The following BABAM2 variants were observed in gnomAD, a reference collection of about 807,000 sequenced individuals.
BABAM2 encodes BRISC and BRCA1 A complex member 2, also known as BRISC and BRCA1-A complex member 2.
Under a neutral mutation model 54.7 loss-of-function variants are expected in BABAM2, and 31 were observed. The ratio of observed to expected loss-of-function variants is 0.57; its 90% CI spans 0.43 to 0.77. The LOEUF (loss-of-function observed/expected upper bound fraction) is 0.77, where lower values mean the gene tolerates loss of function less well. Ranked by LOEUF, BABAM2 falls within the 30% of genes least tolerant of loss-of-function variation. The probability of loss-of-function intolerance (pLI) is 0.00; values close to 1 mark genes in which losing one functional copy is unlikely to be tolerated. For synonymous variants in BABAM2, 167 were observed against 162.9 expected (o/e 1.03, Z -0.19); for missense variants, 364 against 455.8 (o/e 0.80, Z 1.83).
intron 3 of BABAM2, among the ~76,000 whole-genome samples, chr2:27,931,616 T>C (rs1326404203): frequency 6.6e-6 from 1 of 152,148 alleles, no homozygotes; most frequent in Non-Finnish European, 1.5e-5. Context: ...TTTTACTTAC[T>C]TTTTTTAATG....
chr2:28,268,923 C>T (rs1685203104), intron 10 of BABAM2, among the ~76,000 whole-genome samples: 1 of 152,216 alleles, frequency 6.6e-6, no homozygotes, highest in South Asian at 2.1e-4. Flanking sequence ...TTATTGTGAT[C>T]CTTGCCAATG....
At chr2:28,026,805 AAT>A (rs1269217781) in intron 5 of BABAM2, among the ~76,000 whole-genome samples, 2 of 76,554 alleles carry the variant, frequency 2.6e-5, no homozygotes, top group African/African-American at 5.6e-5. Flanking sequence ...TTATATAAAA[AAT>A]ATATAAATAT....
At chr2:27,985,782 A>G (rs1672354703) in intron 3 of BABAM2, among the ~76,000 whole-genome samples, 1 of 152,156 alleles carries the variant, frequency 6.6e-6, no homozygotes, top group African/African-American at 2.4e-5. Flanking sequence ...GAGCTCCTTG[A>G]GAATAAATAT....
At chr2:28,286,012 G>A (rs946987082) in intron 10 of BABAM2, among the ~76,000 whole-genome samples, 1 of 150,000 alleles carries the variant, frequency 6.7e-6, no homozygotes, top group African/African-American at 2.5e-5. Context: ...CTGGAGTGCA[G>A]TGGTACAATC....
chr2:28,038,901 G>A (rs1277918548), intron 5 of BABAM2, among the ~76,000 whole-genome samples: 1 of 152,176 alleles, frequency 6.6e-6, no homozygotes, highest in Non-Finnish European at 1.5e-5. Context: ...TATGTACCCA[G>A]TAGTAGAATT....
At chr2:28,331,450 CA>C (rs1416250000) in intron 11 of BABAM2, among the ~76,000 whole-genome samples, 1 of 151,974 alleles carries the variant, frequency 6.6e-6, no homozygotes, top group Non-Finnish European at 1.5e-5. Context: ...CCAAAATCTA[CA>C]AGGAACTTAA....
At chr2:28,198,199 A>G (rs374520700) in intron 7 of BABAM2, among the ~76,000 whole-genome samples, 2 of 151,186 alleles carry the variant, frequency 1.3e-5, no homozygotes, top group African/African-American at 2.4e-5. Context: ...TCGCTCTGTC[A>G]CCCAGGCTGG....
At chr2:28,156,409 A>G (rs1672549830) in intron 7 of BABAM2, among the ~76,000 whole-genome samples, 1 of 152,148 alleles carries the variant, frequency 6.6e-6, no homozygotes, top group South Asian at 2.1e-4. Context: ...TTATTTATAT[A>G]TTATTTATAT....
At chr2:28,318,213 GACC>G (rs1558526916) in intron 11 of BABAM2, among the ~76,000 whole-genome samples, 1 of 152,194 alleles carries the variant, frequency 6.6e-6, no homozygotes, top group African/African-American at 2.4e-5. Context: ...GTGAAGGAGC[GACC>G]TCATCTCTTC....
At chr2:28,228,190 G>C (rs1169204226) in intron 7 of BABAM2, among the ~76,000 whole-genome samples, 1 of 152,200 alleles carries the variant, frequency 6.6e-6, no homozygotes, top group Non-Finnish European at 1.5e-5. Context: ...GCTACCTACA[G>C]ATTGACTTCT....
chr2:28,335,886 TC>T (rs1691419086), intron 11 of BABAM2, among the ~76,000 whole-genome samples: 1 of 152,104 alleles, frequency 6.6e-6, no homozygotes, highest in African/African-American at 2.4e-5. Context: ...GTCTGTGACA[TC>T]CCCGGGTTGC....
intron 3 of BABAM2, among the ~76,000 whole-genome samples, chr2:27,974,586 A>G (rs570266798): frequency 4.1e-4 from 62 of 152,266 alleles, no homozygotes; most frequent in Admixed American, 1.0e-3. Context: ...AATAGGAATA[A>G]AAGGGAATTT....
At chr2:28,024,543 G>A (rs1277469351) in intron 4 of BABAM2, among the ~76,000 whole-genome samples, 1 of 152,288 alleles carries the variant, frequency 6.6e-6, no homozygotes, top group East Asian at 1.9e-4. Context: ...ACCTAAGTAC[G>A]TTGTCTCAAG....
intron 3 of BABAM2, among the ~76,000 whole-genome samples, chr2:27,934,581 G>C (rs563824068): frequency 6.6e-6 from 1 of 152,350 alleles, no homozygotes; most frequent in South Asian, 2.1e-4. Flanking sequence ...AGTTTAGTGA[G>C]GAAGGCATGT....
intron 2 of BABAM2, among the ~76,000 whole-genome samples, chr2:27,914,786 G>T (rs537928347): frequency 6.6e-6 from 1 of 152,216 alleles, no homozygotes; most frequent in South Asian, 2.1e-4. Flanking sequence ...ATATGAACAC[G>T]TACACAGATA....
At chr2:28,143,157 A>G (rs988772810) in intron 7 of BABAM2, among the ~76,000 whole-genome samples, 3 of 151,820 alleles carry the variant, frequency 2.0e-5, no homozygotes, top group Admixed American at 6.6e-5. Context: ...ATATATATAT[A>G]TATAAAACAA....
In BABAM2 at chr2:27,928,702, C is replaced by T. The variant is rs560424527; in HGVS notation, c.129-1130C>T. Among the ~76,000 whole-genome samples, 4 of 152,104 alleles carry T rather than the reference C, an allele frequency of 2.6e-5. No individual in the cohort carries two copies. In the East Asian group the frequency reaches 7.7e-4, roughly 29 times the overall value. On this transcript the variant is annotated intron_variant, in intron 2 of 11. Coordinates refer to ENST00000379624, the MANE Select transcript of BABAM2 (RefSeq NM_199191.3). Reference sequence around the variant, plus strand: ...GGAATTATGAAAGAAAATTAGCCTCCTTGCTTTCGTTTGTAAATTAAAACT... The same window carrying T: ...GGAATTATGAAAGAAAATTAGCCTCTTTGCTTTCGTTTGTAAATTAAAACT...
At chr2:27,904,829 C>G (rs1666076226) in intron 2 of BABAM2, among the ~76,000 whole-genome samples, 1 of 152,122 alleles carries the variant, frequency 6.6e-6, no homozygotes, top group South Asian at 2.1e-4. Context: ...ATCCTTTTCT[C>G]CCTTTCTTAG....
chr2:28,194,812 G>A (rs966900806), intron 7 of BABAM2, among the ~76,000 whole-genome samples: 2 of 151,866 alleles, frequency 1.3e-5, no homozygotes, highest in African/African-American at 4.8e-5. Context: ...CGCCTGTCTC[G>A]GCCTCCCAAA....
Sources: gnomAD v4.1 joint callset for allele counts (sites outside exome capture counted in the v4.1 genomes callset) on GRCh38, gnomAD v4.1.1 for gene constraint, MANE v1.5 for transcripts, NCBI Gene and HGNC (gene_info 2026-07-23, HGNC 2026-07-21) for gene names.